The following RRBP1 variants were observed in gnomAD, a reference collection of about 807,000 sequenced individuals.
RRBP1 encodes the protein ribosome binding protein 1, also known as ribosome-binding protein 1.
Under a neutral mutation model 165.2 loss-of-function variants are expected in RRBP1, and 94 were observed. The ratio of observed to expected loss-of-function variants is 0.57; its 90% CI spans 0.48 to 0.68. The LOEUF is 0.68. Among genes scored for constraint, RRBP1 ranks in the 30% least tolerant of loss-of-function variants. The pLI, the probability that RRBP1 is intolerant of heterozygous loss-of-function variation, is 0.00. For synonymous variants in RRBP1, 680 were observed against 714.5 expected (o/e 0.95, Z 0.77); for missense variants, 1,676 against 1,763.0 (o/e 0.95, Z 0.88).
At chr20:17,670,441 TA>T (rs11469381) in intron 2 of RRBP1, among the ~76,000 whole-genome samples, 50,836 of 143,394 alleles carry the variant, frequency 0.35, 9,339 homozygotes, top group East Asian at 0.64. Context: ...CAATTACCTT[TA>T]AAAAAAAAAA....
At chr20:17,616,598 G>C (rs1337504761) in intron 21 of RRBP1, 134 bp downstream of exon 21, 1 of 626,214 alleles carries the variant, frequency 1.6e-6, no homozygotes, top group Non-Finnish European at 2.8e-6. Context: ...GATCCAAATG[G>C]GGCAAAGCAG....
intron 2 of RRBP1, among the ~76,000 whole-genome samples, chr20:17,672,445 G>T (rs2036996198): frequency 6.6e-6 from 1 of 152,188 alleles, no homozygotes; most frequent in Non-Finnish European, 1.5e-5. Flanking sequence ...TGTGACAGCG[G>T]AGAACTTCAG....
At chr20:17,623,513 C>T (rs1454385038) in intron 13 of RRBP1, among the ~76,000 whole-genome samples, 4 of 152,196 alleles carry the variant, frequency 2.6e-5, no homozygotes, top group African/African-American at 4.8e-5. Context: ...AAAAGCAACC[C>T]GTGGGCTCAG....
chr20:17,681,422 C>A (rs2122532327), intron 1 of RRBP1, among the ~76,000 whole-genome samples: 1 of 148,074 alleles, frequency 6.8e-6, no homozygotes, highest in East Asian at 2.0e-4. Context: ...CGGCCCGCCC[C>A]GTCGGGGGCC....
At chr20:17,629,338 G>C (rs918098116) in intron 9 of RRBP1, among the ~76,000 whole-genome samples, 3 of 152,186 alleles carry the variant, frequency 2.0e-5, no homozygotes, top group African/African-American at 4.8e-5. Flanking sequence ...TTCCATGATC[G>C]ACTGCAGCAA....
rs767344588 is a variant in RRBP1 at position 17,614,833 on chromosome 20, G to A, written c.4098C>T (p.Ala1366=). ...EKKLTSDLGR[A]ATRLQELLKT... ...TCAGAAGCTCCTGCAGTCTCGTGGC[G>A]GCGCGCCCCAGGTCACTTGTTAACT... The change falls in exon 24 of 25, where the codon GCC becomes GCT. Residue 1366 remains alanine (A), a synonymous_variant. Transcript: ENST00000377813. 3.9e-5 allele frequency: 63 copies of A among 1,613,666 alleles called. 1 individual carries two copies. The highest frequency in any genetic ancestry group is 2.5e-4 in the Admixed American group (15 of 60,006).
rs770068989 is a variant in RRBP1, at chr20:17,659,975, G to A, written c.533C>T (p.Pro178Leu). Residue 178 changes from proline (P) to leucine (L), a missense_variant, in exon 3 of 25, where the codon CCG (proline) becomes CTG (leucine). By Grantham distance (98) the Pro-to-Leu change is moderately conservative (BLOSUM62 -3). This residue lies in a region of RRBP1 where 392 missense variants were observed against 382.5 expected (regional missense o/e 1.02). Coordinates refer to ENST00000377813, the MANE Select transcript of RRBP1 (RefSeq NM_001365613.2). ...AILETAPKEV[P>L]MVVVPPVGAK... ...ACCCACTGGGGGCACCACCACCATC[G>A]GCACCTCCTTGGGAGCAGTTTCCAA... The A allele has an allele frequency of 1.1e-5, 18 of 1,607,052 alleles. No homozygotes were observed. The highest frequency in any genetic ancestry group is 5.6e-5 in the South Asian group (5 of 89,802).
At chr20:17,615,042 C>G (rs987342936) in intron 23 of RRBP1, among the ~76,000 whole-genome samples, 162 bp from the exon 24 acceptor site, 2 of 152,166 alleles carry the variant, frequency 1.3e-5, no homozygotes, top group African/African-American at 4.8e-5. Flanking sequence ...GGGAGGAAAC[C>G]GCCCATGCTG....
At chr20:17,620,986 C>T (rs182941211) in intron 16 of RRBP1, among the ~76,000 whole-genome samples, 179 bp from the exon 17 acceptor site, 78 of 152,346 alleles carry the variant, frequency 5.1e-4, no homozygotes, top group Non-Finnish European at 8.5e-4. Flanking sequence ...GTCCTCTGGC[C>T]AGTGGGCCAG....
chr20:17,636,726 T>C lies in RRBP1; in HGVS notation c.2188A>G (p.Met730Val), dbSNP rs1404553885. ...KSKLRELNKEMAAEKAKAAAG... is the reference protein window; with the variant it reads ...KSKLRELNKEVAAEKAKAAAG... ...GCTGCTTTGGCCTTTTCTGCTGCCA[T>C]CTCCTGGGGGGAAAGTAGCAGAGAG... Residue 730 changes from methionine to valine, a missense_variant, in exon 6 of 25, where the codon ATG (methionine) becomes GTG (valine). Coordinates refer to ENST00000377813, the MANE Select transcript of RRBP1 (RefSeq NM_001365613.2). The C allele has an allele frequency of 6.2e-7, 1 of 1,612,774 alleles. No individual in the cohort carries two copies. Among genetic ancestry groups the C allele is most frequent in the Non-Finnish European group, 8.5e-7 (1 of 1,180,006 alleles).
chr20:17,635,679 G>A lies in RRBP1; in HGVS notation c.2338-15C>T, dbSNP rs997898457. 2 of 1,602,452 alleles carry A rather than the reference G, an allele frequency of 1.2e-6. No homozygotes were observed. The highest frequency in any genetic ancestry group is 2.7e-5 in the African/African-American group (2 of 74,712). On this transcript the variant is annotated splice_polypyrimidine_tract_variant and intron_variant, in intron 6 of 24. Transcript: ENST00000377813. ...AGAGTCCGGATCTGGAAAGTCACGG[G>A]CAAGGGCATCAGAGGCAGCTCGGCC...
At position 17,660,489 on chromosome 20, in the gene RRBP1, G is replaced by C. The variant is rs1172121996; in HGVS notation, c.19C>G (p.Gln7Glu). Residue 7 changes from glutamine (Q) to glutamate (E), a missense_variant, in exon 3 of 25, where the codon CAA becomes GAA. Physicochemically the swap from Gln to Glu is conservative, Grantham distance 29. Coordinates refer to ENST00000377813, the MANE Select transcript of RRBP1 (RefSeq NM_001365613.2). ...CCAAAGACCACAACCCCCAAGGTTTGAGTGTCGTAAATATCCATCCTGGCT... is the reference window on the plus strand; with the variant it reads ...CCAAAGACCACAACCCCCAAGGTTTCAGTGTCGTAAATATCCATCCTGGCT... MDIYDT[Q>E]TLGVVVFGGF... 1.9e-6 allele frequency: 3 copies of C among 1,613,458 alleles called. No individual in the cohort carries two copies. Among genetic ancestry groups the C allele is most frequent in the South Asian group, 1.1e-5 (1 of 91,010 alleles).
intron 5 of RRBP1, among the ~76,000 whole-genome samples, chr20:17,638,468 T>TCTG (rs1038722849): frequency 2.6e-5 from 4 of 152,084 alleles, no homozygotes; most frequent in African/African-American, 9.7e-5. Flanking sequence ...CCGCTCAGGG[T>TCTG]CTGCAGACCC....
chr20:17,614,093 A>G lies in RRBP1; in HGVS notation c.*89T>C, dbSNP rs1486060803. ...AGCTACCGGAAGTTGGGCCTGGATA[A>G]CGCTGTGTAGGTTGGTTGGTTTATT... is the stretch of plus-strand genomic sequence containing the variant. On this transcript the variant is annotated 3_prime_UTR_variant, in exon 25 of 25. Coordinates refer to ENST00000377813, the MANE Select transcript of RRBP1 (RefSeq NM_001365613.2). The G allele has an allele frequency of 4.5e-6, 6 of 1,342,788 alleles. No homozygotes were observed. Among genetic ancestry groups the G allele is most frequent in the Non-Finnish European group, 6.4e-6 (6 of 934,706 alleles). 83.2% of individuals were successfully genotyped at this position (1,342,788 alleles called of 1,614,324 possible).
chr20:17,629,745 C>A, intron 9 of RRBP1, 78 bp downstream of exon 9: 1 of 1,450,798 alleles, frequency 6.9e-7, no homozygotes, highest in South Asian at 1.2e-5. Context: ...TGAGTTCTGG[C>A]ACTGGCAGTG....
At chr20:17,641,950 G>C in intron 4 of RRBP1, 31 bp from the exon 5 acceptor site, 1 of 1,599,176 alleles carries the variant, frequency 6.3e-7, no homozygotes, top group South Asian at 1.1e-5. Context: ...GTTAACAGAG[G>C]GGACAAATGG....
Position 17,629,890 on chromosome 20 carries a change from C to T in RRBP1, c.2682G>A (p.Thr894=), listed in dbSNP as rs11551701. The T allele has an allele frequency of 0.072, 115,566 of 1,600,200 alleles. 4,470 individuals are homozygous for T. The highest frequency in any genetic ancestry group is 0.092 in the Middle Eastern group (559 of 6,054). The change falls in exon 9 of 25, where the codon ACG becomes ACA. Residue 894 remains threonine (T), a synonymous_variant. Coordinates refer to ENST00000377813, the MANE Select transcript of RRBP1 (RefSeq NM_001365613.2). ...LDEVSRELCH[T]QSSHASLRAD... is the part of the protein sequence containing the mutation. ...CCCGGAGGCTGGCGTGGCTGCTCTG[C>T]GTGTGGCACAGCTCCCGGCTGACCT...
rs1337730974 is a variant in RRBP1, at chr20:17,643,361, T to C, written c.1913-234A>G. On this transcript the variant is annotated intron_variant, in intron 3 of 24. Coordinates refer to ENST00000377813, the MANE Select transcript of RRBP1 (RefSeq NM_001365613.2). The surrounding 1 kb of genome is among the most constrained non-coding windows in gnomAD (Gnocchi z 4.3). ...ACCGTCCTAACTCGCCCATAGGAAGTCCCAGCCTGGGGTGGAAGTAGAGCT... is the reference window on the plus strand; with the variant it reads ...ACCGTCCTAACTCGCCCATAGGAAGCCCCAGCCTGGGGTGGAAGTAGAGCT... 6.7e-6 allele frequency among the ~76,000 whole-genome samples: 1 copy of C among 150,136 alleles called. No individual in the cohort carries two copies. Among genetic ancestry groups the C allele is most frequent in the African/African-American group, 2.4e-5 (1 of 40,902 alleles).
intron 5 of RRBP1, among the ~76,000 whole-genome samples, chr20:17,638,914 GA>G (rs2036296357): frequency 6.6e-6 from 1 of 152,136 alleles, no homozygotes; most frequent in Non-Finnish European, 1.5e-5. Context: ...CCTCCACCAA[GA>G]AGGCCTGGTA....
Sources: gnomAD v4.1 joint callset for allele counts (sites outside exome capture counted in the v4.1 genomes callset) on GRCh38, gnomAD v4.1.1 for gene constraint, gnomAD v4.1.1 regional missense constraint, Gnocchi (gnomAD v3.1) non-coding constraint, MANE v1.5 for transcripts, NCBI Gene and HGNC (gene_info 2026-07-23, HGNC 2026-07-21) for gene names.